Variants in MGAT5B observed in about 807,000 individuals in gnomAD.
The protein encoded by MGAT5B is N-acetylglucosaminyl-transferase Vb.
In MGAT5B, 54 loss-of-function variants were observed where a neutral mutation model predicts 95.1. The ratio of observed to expected loss-of-function variants is 0.57; its 90% CI spans 0.46 to 0.71. MGAT5B has a LOEUF of 0.71. Ranked by LOEUF, MGAT5B falls within the 30% of genes least tolerant of loss-of-function variation. MGAT5B has a pLI of 0.00. For synonymous variants in MGAT5B, 464 were observed against 451.0 expected (o/e 1.03, Z -0.36); for missense variants, 935 against 1,088.6 (o/e 0.86, Z 1.99).
intron 3 of MGAT5B, among the ~76,000 whole-genome samples, chr17:76,887,333 C>T (rs534490197): frequency 6.6e-6 from 1 of 152,202 alleles, no homozygotes; most frequent in African/African-American, 2.4e-5. Context: ...TCAGCAAATT[C>T]TCCCACCTTC....
chr17:76,869,123 T>C lies in MGAT5B; in HGVS notation c.68+26T>C. 6.2e-7 allele frequency: 1 copy of C among 1,609,774 alleles called. No individual in the cohort carries two copies. Among genetic ancestry groups the C allele is most frequent in the South Asian group, 1.1e-5 (1 of 90,982 alleles). ...GTAAAGTTCCCTCCTGGTTGGTTTT[T>C]TCCCCAGGGGGGCGCCGGGTGGAGG... On this transcript the variant is annotated intron_variant, in intron 1 of 17. Coordinates refer to ENST00000569840, the MANE Select transcript of MGAT5B (RefSeq NM_001199172.2). This position sits in a 1 kb window ranked among gnomAD's most constrained non-coding sequence, Gnocchi z 7.0.
intron 4 of MGAT5B, 86 bp from the exon 5 acceptor site, chr17:76,903,217 G>A (rs1382530956): frequency 2.0e-6 from 2 of 1,016,532 alleles, no homozygotes; most frequent in Non-Finnish European, 2.9e-6. Context: ...AGCGGATTGT[G>A]TGGGAAGCTG....
At position 76,906,530 on chromosome 17, in the gene MGAT5B, G is replaced by A. The variant is rs968953256; in HGVS notation, c.1025+343G>A. On this transcript the variant is annotated intron_variant, in intron 8 of 17. Transcript: ENST00000569840. The surrounding 1 kb of genome is among the most constrained non-coding windows in gnomAD (Gnocchi z 4.6). Reference sequence around the variant, plus strand: ...GTCCCCTCTGCCTGCCGTCCTGGAAGGCTTGGTTTCTCTTCTGAACCTGGG... The same window carrying A: ...GTCCCCTCTGCCTGCCGTCCTGGAAAGCTTGGTTTCTCTTCTGAACCTGGG... Among the ~76,000 whole-genome samples, 2 of 152,254 alleles carry A rather than the reference G, an allele frequency of 1.3e-5. No individual in the cohort carries two copies. Among genetic ancestry groups the A allele is most frequent in the Non-Finnish European group, 2.9e-5 (2 of 68,050 alleles).
intron 3 of MGAT5B, among the ~76,000 whole-genome samples, chr17:76,901,580 A>G (rs771018010): frequency 6.6e-6 from 1 of 152,160 alleles, no homozygotes; most frequent in Non-Finnish European, 1.5e-5. Flanking sequence ...CAGGAAATAA[A>G]TCCTCCAAAA....
chr17:76,882,339 G>A (rs770884394), intron 3 of MGAT5B, 41 bp downstream of exon 3: 3 of 1,522,802 alleles, frequency 2.0e-6, no homozygotes, highest in Non-Finnish European at 2.6e-6. Flanking sequence ...GCAGGGGAGC[G>A]GTGGCACCTG....
Position 76,914,346 on chromosome 17 carries a change from A to G in MGAT5B, c.1025+8159A>G, listed in dbSNP as rs1228400610. ...GCTTGGCCAGGAGCCGGGAGGAGAAAGAGCGCAGGAGCAGGGGTTACAGAA... is the reference window on the plus strand; with the variant it reads ...GCTTGGCCAGGAGCCGGGAGGAGAAGGAGCGCAGGAGCAGGGGTTACAGAA... On this transcript the variant is annotated intron_variant, in intron 8 of 17. Transcript: ENST00000569840. The surrounding 1 kb of genome is among the most constrained non-coding windows in gnomAD (Gnocchi z 5.1). 6.6e-6 allele frequency among the ~76,000 whole-genome samples: 1 copy of G among 152,192 alleles called. No homozygotes were observed. The highest frequency in any genetic ancestry group is 1.5e-5 in the Non-Finnish European group (1 of 68,038).
At chr17:76,885,839 A>G (rs981783541) in intron 3 of MGAT5B, among the ~76,000 whole-genome samples, 2 of 152,214 alleles carry the variant, frequency 1.3e-5, no homozygotes, top group African/African-American at 4.8e-5. Flanking sequence ...CTCCAGGTTA[A>G]CCAACCTGCA....
At chr17:76,947,169 G>C (rs536232257) in intron 16 of MGAT5B, among the ~76,000 whole-genome samples, 1 of 152,216 alleles carries the variant, frequency 6.6e-6, no homozygotes, top group African/African-American at 2.4e-5. Context: ...GGGCCCTGGG[G>C]CAGGTGGCCG....
chr17:76,940,607 G>T lies in MGAT5B; in HGVS notation c.1731+59G>T. On this transcript the variant is annotated intron_variant, in intron 14 of 17. Transcript: ENST00000569840. This position sits in a 1 kb window ranked among gnomAD's most constrained non-coding sequence, Gnocchi z 4.3. ...GGGGCCGGGACAGAGACCCCTGCAG[G>T]TCCTGGAAGAGGCAGACTGAGATGT... 6.3e-7 allele frequency: 1 copy of T among 1,585,072 alleles called. No homozygotes were observed. Among genetic ancestry groups the T allele is most frequent in the Non-Finnish European group, 8.6e-7 (1 of 1,162,098 alleles).
chr17:76,881,919 A>C (rs1223200065), intron 2 of MGAT5B, among the ~76,000 whole-genome samples: 1 of 152,248 alleles, frequency 6.6e-6, no homozygotes. Context: ...GCTAGTGGGC[A>C]ACGGGGCTGC....
In MGAT5B at chr17:76,932,643, A is replaced by G; in HGVS notation, c.1292-2A>G. 6.2e-7 allele frequency: 1 copy of G among 1,613,482 alleles called. No individual in the cohort carries two copies. The stretch of plus-strand genomic sequence containing the variant: ...CATTCCTTCTGCGTGCTCGGGCTGC[A>G]GCTCATACCCCCGACAACTCCTTCA... On this transcript the variant is annotated splice_acceptor_variant, in intron 10 of 17. Transcript: ENST00000569840. LOFTEE classifies it high-confidence loss of function.
chr17:76,897,717 CTT>C (rs1170271577), intron 3 of MGAT5B, among the ~76,000 whole-genome samples: 3 of 89,282 alleles, frequency 3.4e-5, no homozygotes, highest in African/African-American at 2.0e-4. Flanking sequence ...TTCTTTCTTT[CTT>C]TCTTTCTTTT....
Position 76,914,674 on chromosome 17 carries a change from C to T in MGAT5B, c.1025+8487C>T, listed in dbSNP as rs1410656625. 6.7e-6 allele frequency among the ~76,000 whole-genome samples: 1 copy of T among 150,226 alleles called. No homozygotes were observed. Among genetic ancestry groups the T allele is most frequent in the Admixed American group, 6.6e-5 (1 of 15,172 alleles). ...TTTTTTTTTGAGACAGAGTCTTGCC[C>T]TGTCCCCCAGCTGGAGCGCAGTGGC... On this transcript the variant is annotated intron_variant, in intron 8 of 17. Transcript: ENST00000569840. This position sits in a 1 kb window ranked among gnomAD's most constrained non-coding sequence, Gnocchi z 5.1.
intron 8 of MGAT5B, among the ~76,000 whole-genome samples, chr17:76,920,133 C>T (rs1351108847): frequency 6.6e-6 from 1 of 152,210 alleles, no homozygotes; most frequent in African/African-American, 2.4e-5. Flanking sequence ...ACTTCCCCGT[C>T]CTTCCCAAGC....
At position 76,886,261 on chromosome 17, in the gene MGAT5B, G is replaced by A. The variant is rs1967625802; in HGVS notation, c.329+3963G>A. Among the ~76,000 whole-genome samples the A allele has an allele frequency of 3.3e-5, 5 of 152,204 alleles. No individual in the cohort carries two copies. In the South Asian group the frequency reaches 6.2e-4, roughly 19 times the overall value. On this transcript the variant is annotated intron_variant, in intron 3 of 17. Coordinates refer to ENST00000569840, the MANE Select transcript of MGAT5B (RefSeq NM_001199172.2). ...GTCTGGGCTGGAGGTTTGAGAGCAGGTGGAGGGGACACAAAAAAGATGGAA... is the reference window on the plus strand; with the variant it reads ...GTCTGGGCTGGAGGTTTGAGAGCAGATGGAGGGGACACAAAAAAGATGGAA...
Position 76,912,784 on chromosome 17 carries a change from G to A in MGAT5B, c.1025+6597G>A, listed in dbSNP as rs1021655227. Among the ~76,000 whole-genome samples the A allele has an allele frequency of 2.6e-5, 4 of 152,184 alleles. No homozygotes were observed. In the East Asian group the frequency reaches 7.7e-4, roughly 29 times the overall value. On this transcript the variant is annotated intron_variant, in intron 8 of 17. Coordinates refer to ENST00000569840, the MANE Select transcript of MGAT5B (RefSeq NM_001199172.2). This position sits in a 1 kb window ranked among gnomAD's most constrained non-coding sequence, Gnocchi z 5.0. ...ATGAGACTGCAGCAAGGTGATGTCAGCCAGTCCCCGCCCGCGCCCCGCCGT... is the reference window on the plus strand; with the variant it reads ...ATGAGACTGCAGCAAGGTGATGTCAACCAGTCCCCGCCCGCGCCCCGCCGT...
intron 10 of MGAT5B, among the ~76,000 whole-genome samples, chr17:76,931,312 G>T (rs1354771285): frequency 1.3e-5 from 2 of 152,208 alleles, no homozygotes; most frequent in African/African-American, 4.8e-5. Context: ...GGCCAGGCTG[G>T]TCTTGAACTC....
Position 76,882,233 on chromosome 17 carries a change from G to A in MGAT5B, c.264G>A (p.Leu88=), listed in dbSNP as rs752325970. Residue 88 remains leucine (L), a synonymous_variant, in exon 3 of 18, where the codon CTG becomes CTA. Transcript: ENST00000569840. ...TGATGGTGAAGCGCATGGACGCACT[G>A]GCCAGGCTGGAGAACAGCAGTGAGC... ...LELMVKRMDA[L]ARLENSSELH... 4 of 1,613,680 alleles carry A rather than the reference G, an allele frequency of 2.5e-6. No homozygotes were observed. The highest frequency in any genetic ancestry group is 2.5e-6 in the Non-Finnish European group (3 of 1,179,954).
At chr17:76,894,124 TTGTG>T (rs1967983016) in intron 3 of MGAT5B, among the ~76,000 whole-genome samples, 1 of 152,200 alleles carries the variant, frequency 6.6e-6, no homozygotes, top group African/African-American at 2.4e-5. Flanking sequence ...GGCACTGCAC[TTGTG>T]TCCAGGCATT....
Sources: allele counts gnomAD v4.1 joint callset (sites outside exome capture counted in the v4.1 genomes callset), GRCh38; gene constraint gnomAD v4.1.1; non-coding constraint Gnocchi (gnomAD v3.1); transcripts MANE v1.5; gene names NCBI Gene and HGNC (gene_info 2026-07-23, HGNC 2026-07-21).